Variants in SLC38A11 observed in about 807,000 individuals in gnomAD.
SLC38A11 encodes the protein putative sodium-coupled neutral amino acid transporter 11.
A neutral mutation model predicts 49.4 loss-of-function variants in SLC38A11; 51 were observed. That is an observed-to-expected ratio of 1.03 (90% confidence interval 0.83 to 1.30). SLC38A11 has a LOEUF of 1.30. Among genes scored for constraint, SLC38A11 ranks in the 50% most tolerant of loss-of-function variants. The probability of loss-of-function intolerance (pLI) is 0.00; values close to 1 mark genes in which losing one functional copy is unlikely to be tolerated. For synonymous variants in SLC38A11, 203 were observed against 192.9 expected, an observed-to-expected ratio of 1.05 and a Z score of -0.43; for missense variants, 574 against 556.2, an observed-to-expected ratio of 1.03 and a Z score of -0.32.
intron 3 of SLC38A11, among the ~76,000 whole-genome samples, chr2:164,950,768 A>G (rs1688468030): frequency 6.6e-6 from 1 of 152,154 alleles, no homozygotes; most frequent in Admixed American, 6.5e-5. Context: ...ACTTAGAAAA[A>G]CTTGCTGTTG....
chr2:164,945,653 T>A lies in SLC38A11; in HGVS notation c.304A>T (p.Thr102Ser). 6.2e-7 allele frequency: 1 copy of A among 1,611,608 alleles called. No homozygotes were observed. The highest frequency in any genetic ancestry group is 8.5e-7 in the Non-Finnish European group (1 of 1,179,428). The change falls in exon 4 of 12, where the codon ACT becomes TCT. Residue 102 changes from threonine (T) to serine (S), a missense_variant. Physicochemically the swap from Thr to Ser is moderately conservative, Grantham distance 58. Coordinates refer to ENST00000685975, the MANE Select transcript of SLC38A11 (RefSeq NM_001351537.2). ...AGCAGATACCCTGGAAAGCCGAAAGTTTTATTGACCAAAGACTGGTAGGTA... is the reference window on the plus strand; with the variant it reads ...AGCAGATACCCTGGAAAGCCGAAAGATTTATTGACCAAAGACTGGTAGGTA... Reference protein sequence around the residue: ...TDTYQSLVNKTFGFPGYLLLS... With the variant: ...TDTYQSLVNKSFGFPGYLLLS...
chr2:164,939,880 A>G (rs1172807631), intron 5 of SLC38A11, among the ~76,000 whole-genome samples: 1 of 151,922 alleles, frequency 6.6e-6, no homozygotes, highest in African/African-American at 2.4e-5. Context: ...TCCAGAAACT[A>G]CAGAATTCCT....
At chr2:164,907,751 A>G (rs763117328) in intron 11 of SLC38A11, among the ~76,000 whole-genome samples, 6 of 152,214 alleles carry the variant, frequency 3.9e-5, no homozygotes, top group Admixed American at 6.5e-5. Context: ...AAGTTTTTGT[A>G]AAATTTGGAC....
intron 10 of SLC38A11, 83 bp from the exon 11 acceptor site, chr2:164,908,854 G>A (rs773916996): frequency 5.9e-5 from 82 of 1,393,552 alleles, no homozygotes; most frequent in Non-Finnish European, 7.7e-5. Flanking sequence ...ATAGTATTTA[G>A]GAATATATAA....
chr2:164,915,115 G>T lies in SLC38A11; in HGVS notation c.847C>A (p.Gln283Lys), dbSNP rs764397418. 1.1e-5 allele frequency: 17 copies of T among 1,604,172 alleles called. No homozygotes were observed. Among genetic ancestry groups the T allele is most frequent in the Non-Finnish European group, 1.4e-5 (17 of 1,176,032 alleles). ...ATAACTGAATCTCTCATTTTACCTT[G>T]GGTGAAGCCAGTAAATGTCAAGTAT... ...CGYLTFTGFT[Q>K]GDLFENYCRN... Residue 283 changes from glutamine to lysine, a missense_variant, in exon 9 of 12, where the codon CAA becomes AAA. Transcript: ENST00000685975.
intron 8 of SLC38A11, 98 bp from the exon 9 acceptor site, chr2:164,915,371 A>G: frequency 9.4e-7 from 1 of 1,060,116 alleles, no homozygotes; most frequent in Non-Finnish European, 1.3e-6. Flanking sequence ...GATGCCAATG[A>G]ACTGAAGTTT....
chr2:164,930,281 G>A (rs558008030), intron 7 of SLC38A11, among the ~76,000 whole-genome samples: 3 of 152,016 alleles, frequency 2.0e-5, no homozygotes, highest in South Asian at 4.2e-4. Flanking sequence ...ACCAAAATAA[G>A]CCCAGGACGA....
chr2:164,939,140 C>T (rs942311489), intron 6 of SLC38A11, among the ~76,000 whole-genome samples: 2 of 152,026 alleles, frequency 1.3e-5, no homozygotes, highest in Non-Finnish European at 2.9e-5. Flanking sequence ...AGATGGAATA[C>T]TTTTCCAATA....
At position 164,898,057 on chromosome 2, in the gene SLC38A11, A is replaced by ACCCCCCCCACCCC. The variant is rs1311853385; in HGVS notation, c.*379_*380insGGGGTGGGGGGGG. On this transcript the variant is annotated 3_prime_UTR_variant, in exon 12 of 12. Transcript: ENST00000685975. Reference sequence around the variant, plus strand: ...ACTTTTAAGGACAAAGAAAATGCCCACCCCCCACACCCCCCCACCAAAAGA... The same window carrying ACCCCCCCCACCCC: ...ACTTTTAAGGACAAAGAAAATGCCCACCCCCCCCACCCCCCCCCCACACCCCCCCACCAAAAGA... 8.8e-6 allele frequency: 1 copy of ACCCCCCCCACCCC among 113,458 alleles called. No homozygotes were observed. Among genetic ancestry groups the ACCCCCCCCACCCC allele is most frequent in the Non-Finnish European group, 1.9e-5 (1 of 51,904 alleles). 7.0% of individuals were successfully genotyped at this position (113,458 alleles called of 1,614,324 possible). A position where few individuals can be genotyped will look rare whatever the true frequency, so the allele number is the denominator to read the frequency against.
intron 7 of SLC38A11, among the ~76,000 whole-genome samples, chr2:164,929,756 A>G (rs1234930384): frequency 6.6e-6 from 1 of 152,140 alleles, no homozygotes; most frequent in African/African-American, 2.4e-5. Flanking sequence ...TACATTTGCA[A>G]CATAAAGGAT....
rs1461232677 is a variant in SLC38A11 at position 164,895,443 on chromosome 2, A to G, written c.*2994T>C. Among the ~76,000 whole-genome samples, 1 of 152,142 alleles carries G rather than the reference A, an allele frequency of 6.6e-6. No individual in the cohort carries two copies. The highest frequency in any genetic ancestry group is 1.5e-5 in the Non-Finnish European group (1 of 68,022). On this transcript the variant is annotated 3_prime_UTR_variant, in exon 12 of 12. Coordinates refer to ENST00000685975, the MANE Select transcript of SLC38A11 (RefSeq NM_001351537.2). ...TTTGCTCCAATCAATAGCCACACCTAATTAAAAGACAGACTATTATTCCTT... is the reference window on the plus strand; with the variant it reads ...TTTGCTCCAATCAATAGCCACACCTGATTAAAAGACAGACTATTATTCCTT...
At chr2:164,912,444 G>C (rs1332853368) in intron 9 of SLC38A11, 1 of 152,032 alleles carries the variant, frequency 6.6e-6, no homozygotes, top group African/African-American at 2.4e-5. Context: ...TGGTGAGTAA[G>C]TGACTTCATT....
intron 10 of SLC38A11, among the ~76,000 whole-genome samples, chr2:164,909,665 A>G (rs1472976653): frequency 6.6e-6 from 1 of 151,836 alleles, no homozygotes; most frequent in African/African-American, 2.4e-5. Context: ...AGAGCGTGAA[A>G]AAGAGCAAAG....
intron 1 of SLC38A11, among the ~76,000 whole-genome samples, chr2:164,954,946 C>A (rs1295481671): frequency 1.3e-5 from 2 of 151,912 alleles, no homozygotes; most frequent in Non-Finnish European, 2.9e-5. Context: ...AAGCAAACTC[C>A]ATCCTAAAAT....
intron 7 of SLC38A11, among the ~76,000 whole-genome samples, chr2:164,918,580 G>C (rs1685961789): frequency 6.6e-6 from 1 of 152,084 alleles, no homozygotes; most frequent in Admixed American, 6.6e-5. Context: ...AAACCAGATA[G>C]GATGTTCAAT....
chr2:164,916,807 T>C (rs1299651004), intron 7 of SLC38A11, among the ~76,000 whole-genome samples: 1 of 152,126 alleles, frequency 6.6e-6, no homozygotes, highest in East Asian at 1.9e-4. Context: ...GGCTAACACA[T>C]CATGAATAAT....
chr2:164,908,601 A>T (rs199883370), intron 11 of SLC38A11, 39 bp downstream of exon 11: 263 of 1,458,536 alleles, frequency 1.8e-4, no homozygotes, highest in Non-Finnish European at 2.3e-4. Flanking sequence ...TTTTAAAGAG[A>T]ATTTTAGAGT....
chr2:164,929,023 T>A (rs191780913), intron 7 of SLC38A11, among the ~76,000 whole-genome samples: 1 of 152,160 alleles, frequency 6.6e-6, no homozygotes, highest in Non-Finnish European at 1.5e-5. Flanking sequence ...GGTATTTTTT[T>A]AGAGCTCTTA....
chr2:164,938,748 AT>A (rs2105499123), intron 6 of SLC38A11, among the ~76,000 whole-genome samples: 1 of 152,302 alleles, frequency 6.6e-6, no homozygotes, highest in Admixed American at 6.5e-5. Flanking sequence ...ATTTTTCAAA[AT>A]AGAATGTAAA....
Sources: allele counts gnomAD v4.1 joint callset (sites outside exome capture counted in the v4.1 genomes callset), GRCh38; gene constraint gnomAD v4.1.1; transcripts MANE v1.5; gene names NCBI Gene and HGNC (gene_info 2026-07-23, HGNC 2026-07-21).